The following DCAF6 variants were observed in gnomAD, a reference collection of about 807,000 sequenced individuals.
DCAF6 encodes DDB1- and CUL4-associated factor 6.
DCAF6 carries 54 observed loss-of-function variants against 125.1 expected under a neutral mutation model. The ratio of observed to expected loss-of-function variants is 0.43; its 90% CI spans 0.35 to 0.54. The LOEUF (loss-of-function observed/expected upper bound fraction) is 0.54. Among genes scored for constraint, DCAF6 ranks in the 20% least tolerant of loss-of-function variants. The pLI, the probability that DCAF6 is intolerant of heterozygous loss-of-function variation, is 0.01. For missense variants in DCAF6, 934 were observed against 1,161.7 expected, an observed-to-expected ratio of 0.80 and a Z score of 2.85; for synonymous variants, 371 against 390.4, an observed-to-expected ratio of 0.95 and a Z score of 0.58.
chr1:168,063,708 A>T lies in DCAF6; in HGVS notation c.2388A>T (p.Arg796Ser). 1 of 1,605,462 alleles carries T rather than the reference A, an allele frequency of 6.2e-7. No individual in the cohort carries two copies. Among genetic ancestry groups the T allele is most frequent in the Non-Finnish European group, 8.5e-7 (1 of 1,176,736 alleles). ...EMEELDTLNI[R>S]RPLVKMVYKG... ...AAGAATTGGATACTTTGAACATTAGAAGGCCGCTAGTAAAAATGGTTTATA... is the reference window on the plus strand; with the variant it reads ...AAGAATTGGATACTTTGAACATTAGTAGGCCGCTAGTAAAAATGGTTTATA... The change falls in exon 18 of 22, where the codon AGA becomes AGT. Residue 796 changes from arginine to serine, a missense_variant. Arg to Ser is a moderately radical substitution (Grantham distance 110). Transcript: ENST00000367840.
At chr1:168,005,105 AAT>A (rs1485962999) in intron 10 of DCAF6, among the ~76,000 whole-genome samples, 15 of 152,148 alleles carry the variant, frequency 9.9e-5, no homozygotes, top group African/African-American at 3.6e-4. Context: ...TAGAGACCAA[AAT>A]ATCTTTCTAG....
chr1:168,065,689 C>G lies in DCAF6; in HGVS notation c.2539C>G (p.Leu847Val). The part of the protein sequence containing the change: ...WDRHTAEHLM[L>V]LEADNHVVNC... ...TCGGCACACTGCTGAGCATTTGATG[C>G]TTCTGGAAGCTGATAATCATGTGGT... Residue 847 changes from leucine (L) to valine (V), a missense_variant, in exon 19 of 22, where the codon CTT becomes GTT. By Grantham distance (32) the Leu-to-Val change is conservative. This residue lies in a region of DCAF6 where 559 missense variants were observed against 635.5 expected (regional missense o/e 0.88). Transcript: ENST00000367840. 6.2e-7 allele frequency: 1 copy of G among 1,613,070 alleles called. No homozygotes were observed. Among genetic ancestry groups the G allele is most frequent in the Non-Finnish European group, 8.5e-7 (1 of 1,179,396 alleles).
At chr1:167,961,302 G>C (rs949179722) in intron 2 of DCAF6, among the ~76,000 whole-genome samples, 1 of 152,100 alleles carries the variant, frequency 6.6e-6, no homozygotes, top group Non-Finnish European at 1.5e-5. Flanking sequence ...GAGTGCAGTG[G>C]CGCGATCTCG....
At chr1:168,041,588 T>C (rs1049301398) in intron 13 of DCAF6, among the ~76,000 whole-genome samples, 4 of 152,060 alleles carry the variant, frequency 2.6e-5, no homozygotes, top group African/African-American at 7.2e-5. Context: ...TTTTACCACA[T>C]GGCTGTTTTC....
chr1:167,991,421 T>C, intron 6 of DCAF6, 82 bp downstream of exon 6: 4 of 1,346,876 alleles, frequency 3.0e-6, no homozygotes, highest in Non-Finnish European at 3.9e-6. Context: ...TTAAAATTTC[T>C]TGTTTGTTAT....
the DCAF6 span, among the ~76,000 whole-genome samples, chr1:167,895,210 C>T: frequency 2.0e-5 from 3 of 150,864 alleles, no homozygotes; most frequent in Non-Finnish European, 4.4e-5. Flanking sequence ...AATTGCATTG[C>T]AGTATTATGG....
intron 11 of DCAF6, among the ~76,000 whole-genome samples, chr1:168,016,944 A>G (rs1217461276): frequency 6.6e-6 from 1 of 152,100 alleles, no homozygotes; most frequent in African/African-American, 2.4e-5. Flanking sequence ...GAATTGGACA[A>G]CCTGCACTTT....
chr1:168,058,893 G>C (rs771076510), intron 17 of DCAF6, among the ~76,000 whole-genome samples: 4 of 152,076 alleles, frequency 2.6e-5, no homozygotes, highest in African/African-American at 4.8e-5. Flanking sequence ...CTACTGGGTT[G>C]TTTTAATTGA....
At position 167,936,776 on chromosome 1, in the gene DCAF6, G is replaced by C. The variant is rs1032465009; in HGVS notation, c.-136G>C. On this transcript the variant is annotated 5_prime_UTR_variant, in exon 1 of 22. Coordinates refer to ENST00000367840, the MANE Select transcript of DCAF6 (RefSeq NM_001198956.2). ...GGGCCCAGGCGCCGCTGCTGCCACCGCCATCTAACGCTGCGCCCTGGAGGC... is the reference window on the plus strand; with the variant it reads ...GGGCCCAGGCGCCGCTGCTGCCACCCCCATCTAACGCTGCGCCCTGGAGGC... 8 of 734,986 alleles carry C rather than the reference G, an allele frequency of 1.1e-5. No homozygotes were observed. The highest frequency in any genetic ancestry group is 1.6e-5 in the Non-Finnish European group (7 of 448,452). The allele number at this position is 734,986 out of a possible 1,614,324, so 45.5% of individuals were successfully genotyped here.
At chr1:167,951,219 A>G (rs1389352538) in intron 1 of DCAF6, among the ~76,000 whole-genome samples, 1 of 152,168 alleles carries the variant, frequency 6.6e-6, no homozygotes, top group Non-Finnish European at 1.5e-5. Flanking sequence ...TGAATGAATA[A>G]ATGAAGAAAT....
At chr1:168,010,528 A>G (rs1684141956) in intron 10 of DCAF6, among the ~76,000 whole-genome samples, 1 of 151,952 alleles carries the variant, frequency 6.6e-6, no homozygotes, top group Non-Finnish European at 1.5e-5. Context: ...ATTTTAATTC[A>G]TATGTCAGAC....
At chr1:168,010,384 G>C (rs1684122935) in intron 10 of DCAF6, among the ~76,000 whole-genome samples, 1 of 152,068 alleles carries the variant, frequency 6.6e-6, no homozygotes, top group African/African-American at 2.4e-5. Flanking sequence ...CCTGAAGAAT[G>C]GTAAATCTAG....
chr1:167,974,893 A>G lies in DCAF6; in HGVS notation c.316A>G (p.Thr106Ala). The change falls in exon 4 of 22, where the codon ACA (threonine) becomes GCA (alanine). Residue 106 changes from threonine to alanine, a missense_variant. Around this residue, in one of 5 missense-constraint regions of DCAF6, gnomAD observed 309 missense variants for 381.2 expected, o/e 0.81. Transcript: ENST00000367840. ...NIFSAKFLPC[T>A]NDKQIVSCSG... ...ATTTAGTGCAAAGTTCTTACCTTGT[A>G]CAAATGATAAACAGATTGTATCCTG... is the stretch of plus-strand genomic sequence containing the variant. 1.9e-6 allele frequency: 3 copies of G among 1,606,826 alleles called. No homozygotes were observed. Among genetic ancestry groups the G allele is most frequent in the Non-Finnish European group, 2.5e-6 (3 of 1,176,600 alleles).
At chr1:167,951,127 C>A (rs1485615924) in intron 1 of DCAF6, among the ~76,000 whole-genome samples, 3 of 152,170 alleles carry the variant, frequency 2.0e-5, no homozygotes, top group African/African-American at 7.2e-5. Context: ...CTCTCATAAG[C>A]AGGCAGAAAT....
rs377110281 is a variant in DCAF6 at position 168,016,033 on chromosome 1, C to G, written c.1549+82C>G. ...CTGTGTAATAAGGTGCTTCCCTTTT[C>G]CCATTCAAAAAGAGAGCTAATGCGC... On this transcript the variant is annotated intron_variant, in intron 11 of 21. Transcript: ENST00000367840. 6.0e-5 allele frequency: 73 copies of G among 1,212,504 alleles called. 2 individuals carry two copies. In the East Asian group the frequency reaches 1.7e-3, roughly 28 times the overall value. 75.1% of individuals were successfully genotyped at this position (1,212,504 alleles called of 1,614,324 possible). A position where few individuals can be genotyped will look rare whatever the true frequency, so the allele number is the denominator to read the frequency against.
chr1:167,920,161 G>A, the DCAF6 span: 1 of 925,674 alleles, frequency 1.1e-6, no homozygotes, highest in South Asian at 1.6e-5. Context: ...ACTTAATATT[G>A]AGTAAAGTAA....
At chr1:167,944,067 C>T (rs2102652311) in intron 1 of DCAF6, among the ~76,000 whole-genome samples, 1 of 152,306 alleles carries the variant, frequency 6.6e-6, no homozygotes, top group African/African-American at 2.4e-5. Flanking sequence ...TGGCCTCGAT[C>T]CCCCGACCTT....
intron 5 of DCAF6, among the ~76,000 whole-genome samples, chr1:167,990,300 T>A (rs1246584186): frequency 6.6e-6 from 1 of 151,920 alleles, no homozygotes; most frequent in African/African-American, 2.4e-5. Flanking sequence ...CTCAAGAGTT[T>A]GAGGTTACAA....
At chr1:168,035,715 A>G (rs527940358) in intron 12 of DCAF6, among the ~76,000 whole-genome samples, 1 of 152,356 alleles carries the variant, frequency 6.6e-6, no homozygotes, top group Non-Finnish European at 1.5e-5. Context: ...AATGAATATT[A>G]CCAATATTTG....
Sources: gnomAD v4.1 joint callset for allele counts (sites outside exome capture counted in the v4.1 genomes callset) on GRCh38, gnomAD v4.1.1 for gene constraint, gnomAD v4.1.1 regional missense constraint, MANE v1.5 for transcripts, NCBI Gene and HGNC (gene_info 2026-07-23, HGNC 2026-07-21) for gene names.